The following PALD1 variants were observed in gnomAD, a reference collection of about 807,000 sequenced individuals.
PALD1 encodes paladin.
A neutral mutation model predicts 96.0 loss-of-function variants in PALD1; 57 were observed. The observed-to-expected ratio is 0.59, with a 90% confidence interval of 0.48 to 0.74. The LOEUF (loss-of-function observed/expected upper bound fraction) is 0.74. PALD1 is among the 30% of genes least tolerant of loss of function. PALD1 has a pLI of 0.00. For synonymous variants in PALD1, 464 were observed against 473.6 expected (o/e 0.98, Z 0.26); for missense variants, 1,063 against 1,143.7 (o/e 0.93, Z 1.02).
chr10:70,564,548 C>T lies in PALD1; in HGVS notation c.2418+29C>T, dbSNP rs113463674. The T allele has an allele frequency of 5.7e-5, 92 of 1,604,942 alleles. 3 individuals are homozygous for T. Among genetic ancestry groups the T allele is most frequent in the East Asian group, 3.3e-4 (15 of 44,836 alleles). On this transcript the variant is annotated intron_variant, in intron 19 of 19. Transcript: ENST00000263563. Reference sequence around the variant, plus strand: ...AGGGGAGGCTGAGGCCGAGAGGGGCCGGGGCGATGGCTCCTGCAGATGGAG... The same window carrying T: ...AGGGGAGGCTGAGGCCGAGAGGGGCTGGGGCGATGGCTCCTGCAGATGGAG...
intron 18 of PALD1, among the ~76,000 whole-genome samples, chr10:70,551,291 C>G (rs2132422714): frequency 7.0e-6 from 1 of 142,016 alleles, no homozygotes; most frequent in Non-Finnish European, 1.6e-5. Context: ...CTTCTGCCCT[C>G]TGGTTTCAAA....
chr10:70,533,699 C>T (rs1202572456), intron 7 of PALD1, among the ~76,000 whole-genome samples: 3 of 152,238 alleles, frequency 2.0e-5, no homozygotes, highest in East Asian at 1.9e-4. Flanking sequence ...CCCTCTGAGT[C>T]GCTCTCACTT....
chr10:70,491,575 C>A (rs970370014), intron 1 of PALD1, among the ~76,000 whole-genome samples: 1 of 152,180 alleles, frequency 6.6e-6, no homozygotes, highest in Non-Finnish European at 1.5e-5. Context: ...TTCAGATGAC[C>A]AGGGGATGCT....
intron 18 of PALD1, among the ~76,000 whole-genome samples, chr10:70,556,491 T>C (rs1847615762): frequency 6.6e-6 from 1 of 152,078 alleles, no homozygotes; most frequent in Admixed American, 6.5e-5. Flanking sequence ...AATTTTTTTA[T>C]TTTTCTGTAG....
At chr10:70,463,788 C>T in the PALD1 span, among the ~76,000 whole-genome samples, 1 of 151,974 alleles carries the variant, frequency 6.6e-6, no homozygotes, top group Non-Finnish European at 1.5e-5. Flanking sequence ...GGAAAGGCCT[C>T]TCCAAGGAGG....
At position 70,547,460 on chromosome 10, in the gene PALD1, C is replaced by G; in HGVS notation, c.2262+14C>G. 1 of 1,502,198 alleles carries G rather than the reference C, an allele frequency of 6.7e-7. No individual in the cohort carries two copies. The highest frequency in any genetic ancestry group is 1.4e-5 in the African/African-American group (1 of 72,828). The allele number at this position is 1,502,198 out of a possible 1,614,324, so 93.1% of individuals were successfully genotyped here. A position where few individuals can be genotyped will look rare whatever the true frequency, so the allele number is the denominator to read the frequency against. On this transcript the variant is annotated intron_variant, in intron 18 of 19. Coordinates refer to ENST00000263563, the MANE Select transcript of PALD1 (RefSeq NM_014431.3). ...ACCTACCGCCAGGTGAGCCCCCACC[C>G]CACCCCACCCCACCCTGCCCCAGCC...
At chr10:70,486,526 C>T (rs1846018745) in intron 1 of PALD1, among the ~76,000 whole-genome samples, 1 of 152,040 alleles carries the variant, frequency 6.6e-6, no homozygotes, top group Non-Finnish European at 1.5e-5. Context: ...TTTGGGAGGC[C>T]GGGGCAGGCG....
At chr10:70,458,893 CCCCCATTT>C in the PALD1 span, among the ~76,000 whole-genome samples, 1 of 152,214 alleles carries the variant, frequency 6.6e-6, no homozygotes, top group Non-Finnish European at 1.5e-5. Flanking sequence ...ACGCGGGGGG[CCCCCATTT>C]GGTGCCAGGC....
rs761217858 is a variant in PALD1 at position 70,525,999 on chromosome 10, C to A, written c.48C>A (p.Thr16=). The A allele has an allele frequency of 2.0e-5, 32 of 1,614,076 alleles. 1 individual carries two copies. The South Asian group carries it at 3.5e-4, about 18-fold the overall frequency. Residue 16 remains threonine, a synonymous_variant, in exon 2 of 20, where the codon ACC becomes ACA. Coordinates refer to ENST00000263563, the MANE Select transcript of PALD1 (RefSeq NM_014431.3). The part of the protein sequence containing the change: ...STAQQTVSAG[T]PFEGLQGSGT... ...CCCAGCAGACGGTCTCGGCAGGCAC[C>A]CCATTTGAGGGCCTACAGGGCAGTG...
At chr10:70,557,621 G>A (rs1331341135) in intron 18 of PALD1, among the ~76,000 whole-genome samples, 1 of 152,214 alleles carries the variant, frequency 6.6e-6, no homozygotes, top group Admixed American at 6.5e-5. Context: ...CGCTGGGCTG[G>A]CCTGAGGATG....
chr10:70,477,218 A>C (rs1166207839), upstream of PALD1, among the ~76,000 whole-genome samples: 3 of 152,162 alleles, frequency 2.0e-5, no homozygotes, highest in African/African-American at 4.8e-5. Flanking sequence ...AGAAGGAAGG[A>C]AACTGTGGCC....
At chr10:70,549,449 T>A (rs985566232) in intron 18 of PALD1, among the ~76,000 whole-genome samples, 1 of 152,232 alleles carries the variant, frequency 6.6e-6, no homozygotes, top group African/African-American at 2.4e-5. Context: ...CTCTGAGCTC[T>A]GCAGCCCTCG....
At chr10:70,560,271 TAC>T (rs1046069655) in intron 18 of PALD1, among the ~76,000 whole-genome samples, 21 of 151,758 alleles carry the variant, frequency 1.4e-4, no homozygotes, top group African/African-American at 4.1e-4. Context: ...TGGGTGAAGG[TAC>T]AGAGACAAGA....
In PALD1 at chr10:70,539,651, G is replaced by A; in HGVS notation, c.1797G>A (p.Arg599=). Residue 599 remains arginine, a synonymous_variant, in exon 15 of 20, where the codon AGG becomes AGA. Coordinates refer to ENST00000263563, the MANE Select transcript of PALD1 (RefSeq NM_014431.3). The surrounding 1 kb of genome is among the most constrained non-coding windows in gnomAD (Gnocchi z 4.5). The part of the protein sequence containing the change: ...PPGKEGPLTY[R]FQTCLTMQEV... ...GCAAGGAGGGCCCCCTGACCTACAG[G>A]TTCCAGACCTGCCTTACCATGCAGG... is the stretch of plus-strand genomic sequence containing the variant. 1.2e-6 allele frequency: 2 copies of A among 1,613,716 alleles called. No homozygotes were observed. Among genetic ancestry groups the A allele is most frequent in the Non-Finnish European group, 8.5e-7 (1 of 1,179,822 alleles).
At chr10:70,501,838 T>TGTGTGTGTGTGCGCGCAC (rs57837334) in intron 1 of PALD1, among the ~76,000 whole-genome samples, 1 of 150,330 alleles carries the variant, frequency 6.7e-6, no homozygotes, top group East Asian at 2.0e-4. Context: ...TGTGTGTGCG[T>TGTGTGTGTGTGCGCGCAC]GCGTGCATGC....
At chr10:70,469,568 G>T in the PALD1 span, among the ~76,000 whole-genome samples, 3 of 152,020 alleles carry the variant, frequency 2.0e-5, no homozygotes, top group East Asian at 5.8e-4. Context: ...GTTCCCCTGG[G>T]CCACCCCTGC....
intron 1 of PALD1, among the ~76,000 whole-genome samples, chr10:70,506,020 CA>C (rs34004123): frequency 0.17 from 24,074 of 144,534 alleles, 2,227 homozygotes; most frequent in East Asian, 0.46. Context: ...GACCCCATCT[CA>C]AAAAAAAAAA....
At chr10:70,490,761 G>T (rs1371522485) in intron 1 of PALD1, among the ~76,000 whole-genome samples, 1 of 152,158 alleles carries the variant, frequency 6.6e-6, no homozygotes, top group Non-Finnish European at 1.5e-5. Flanking sequence ...GTATAGGGAA[G>T]TACTAATAAT....
chr10:70,509,181 C>T (rs79363163), intron 1 of PALD1, among the ~76,000 whole-genome samples: 401 of 152,296 alleles, frequency 2.6e-3, no homozygotes, highest in African/African-American at 9.0e-3. Context: ...TGTTCTTTGC[C>T]CCCTGCCGGT....
Sources: gnomAD v4.1 joint callset for allele counts (sites outside exome capture counted in the v4.1 genomes callset) on GRCh38, gnomAD v4.1.1 for gene constraint, Gnocchi (gnomAD v3.1) non-coding constraint, MANE v1.5 for transcripts, NCBI Gene and HGNC (gene_info 2026-07-23, HGNC 2026-07-21) for gene names.